The following LZTS1 variants were observed in gnomAD, a reference collection of about 807,000 sequenced individuals.
LZTS1 encodes leucine zipper putative tumor suppressor 1.
In LZTS1, 31 loss-of-function variants were observed where a neutral mutation model predicts 45.8. That is an observed-to-expected ratio of 0.68 (90% CI 0.51 to 0.91). The LOEUF (loss-of-function observed/expected upper bound fraction) is 0.91. Ranked by LOEUF, LZTS1 falls within the 40% of genes least tolerant of loss-of-function variation. LZTS1 has a pLI of 0.00. For missense variants in LZTS1, 821 were observed against 788.9 expected, an observed-to-expected ratio of 1.04 and a Z score of -0.49; for synonymous variants, 359 against 357.3, an observed-to-expected ratio of 1.00 and a Z score of -0.05.
chr8:20,258,550 T>C (rs1800158184), intron 1 of LZTS1, among the ~76,000 whole-genome samples: 1 of 152,216 alleles, frequency 6.6e-6, no homozygotes. Context: ...AAAACTTCGT[T>C]GTGTAAGTTT....
chr8:20,294,060 T>C (rs1346867883), intron 1 of LZTS1, among the ~76,000 whole-genome samples: 1 of 152,094 alleles, frequency 6.6e-6, no homozygotes, highest in African/African-American at 2.4e-5. Context: ...GGAGAGGATA[T>C]GGATAGAGTG....
In LZTS1 at chr8:20,246,930, T is replaced by C. The variant is rs1252967900; in HGVS notation, c.*2792A>G. The C allele has an allele frequency of 6.6e-6, 1 of 152,312 alleles. No individual in the cohort carries two copies. Among genetic ancestry groups the C allele is most frequent in the Non-Finnish European group, 1.5e-5 (1 of 68,118 alleles). The allele number at this position is 152,312 out of a possible 1,614,324, so 9.4% of individuals were successfully genotyped here. ...GGGCCAGGCTCTGTGCTTGGAGGCT[T>C]CTGCTGTCCAGAGCCTCTTTCCAGA... On this transcript the variant is annotated 3_prime_UTR_variant, in exon 4 of 4. Transcript: ENST00000381569.
At chr8:20,290,993 C>T (rs1459663230) in intron 1 of LZTS1, among the ~76,000 whole-genome samples, 1 of 152,200 alleles carries the variant, frequency 6.6e-6, no homozygotes, top group African/African-American at 2.4e-5. Flanking sequence ...GCCTCCCAAC[C>T]TTCTCCCCTC....
chr8:20,253,035 G>T lies in LZTS1; in HGVS notation c.896C>A (p.Pro299Gln), dbSNP rs756736338. 6.2e-7 allele frequency: 1 copy of T among 1,603,224 alleles called. No homozygotes were observed. The part of the protein sequence containing the change: ...LASSLAYEER[P>Q]RRCRDELEGP... ...CTCCAGCTCGTCCCTGCAGCGCCGC[G>T]GCCGCTCCTCGTAGGCCAGGCTGGA... Residue 299 changes from proline (P) to glutamine (Q), a missense_variant, in exon 3 of 4, where the codon CCG becomes CAG. By Grantham distance (76) the Pro-to-Gln change is moderately conservative (BLOSUM62 -1). Coordinates refer to ENST00000381569, the MANE Select transcript of LZTS1 (RefSeq NM_021020.5).
intron 1 of LZTS1, among the ~76,000 whole-genome samples, chr8:20,284,777 C>G (rs535443090): frequency 3.9e-5 from 6 of 152,280 alleles, no homozygotes; most frequent in African/African-American, 1.4e-4. Flanking sequence ...CTGCCTCCAA[C>G]CCATTCTACA....
chr8:20,249,769 C>T lies in LZTS1; in HGVS notation c.1744G>A (p.Glu582Lys). Residue 582 changes from glutamate (E) to lysine (K), a missense_variant, in exon 4 of 4, where the codon GAA (glutamate) becomes AAA (lysine). Glu to Lys is a moderately conservative substitution (Grantham distance 56). Coordinates refer to ENST00000381569, the MANE Select transcript of LZTS1 (RefSeq NM_021020.5). ...TCCTCGTAGGGGATGTCAGCCCCTT[C>T]CAGGTCAACCTCCAAGGGCTCCCCG... ...SAGEPLEVDL[E>K]GADIPYEDII... 1 of 1,613,084 alleles carries T rather than the reference C, an allele frequency of 6.2e-7. No homozygotes were observed. The highest frequency in any genetic ancestry group is 8.5e-7 in the Non-Finnish European group (1 of 1,179,970).
chr8:20,279,764 A>G, intron 1 of LZTS1, among the ~76,000 whole-genome samples: 1 of 151,378 alleles, frequency 6.6e-6, no homozygotes, highest in Non-Finnish European at 1.5e-5. Flanking sequence ...AAGTGAGCAG[A>G]TCGCTTGAGT....
intron 1 of LZTS1, among the ~76,000 whole-genome samples, chr8:20,274,436 C>T (rs1800534027): frequency 6.6e-6 from 1 of 152,130 alleles, no homozygotes; most frequent in Admixed American, 6.5e-5. Context: ...TAGCTTGGAG[C>T]ATAGCGGCAA....
chr8:20,260,014 A>T, intron 1 of LZTS1, among the ~76,000 whole-genome samples: 1 of 152,126 alleles, frequency 6.6e-6, no homozygotes, highest in East Asian at 1.9e-4. Context: ...TGATCTTCCC[A>T]CCTTAGCCCC....
chr8:20,267,214 T>A (rs1800377617), intron 1 of LZTS1, among the ~76,000 whole-genome samples: 1 of 142,070 alleles, frequency 7.0e-6, no homozygotes. Flanking sequence ...TCGGGTCCCC[T>A]GGTTTCTGGC....
chr8:20,254,347 C>G (rs1263883423), intron 2 of LZTS1, among the ~76,000 whole-genome samples: 1 of 152,200 alleles, frequency 6.6e-6, no homozygotes, highest in Non-Finnish European at 1.5e-5. Flanking sequence ...TTCAAAGATG[C>G]CCCCAGGCGC....
chr8:20,291,778 T>C (rs2128898999), intron 1 of LZTS1, among the ~76,000 whole-genome samples: 1 of 152,358 alleles, frequency 6.6e-6, no homozygotes, highest in Admixed American at 6.5e-5. Flanking sequence ...TTGCCTGATG[T>C]CACACAGCTA....
chr8:20,252,738 C>T, intron 3 of LZTS1, 44 bp downstream of exon 3: 1 of 1,474,580 alleles, frequency 6.8e-7, no homozygotes, highest in Non-Finnish European at 9.0e-7. Flanking sequence ...GTACTGGCGC[C>T]AAACCGCTGA....
chr8:20,303,602 G>A (rs1801120078), intron 1 of LZTS1, 138 bp downstream of exon 1: 1 of 751,768 alleles, frequency 1.3e-6, no homozygotes, highest in African/African-American at 1.9e-5. Flanking sequence ...CACCTCGACA[G>A]CCACGGACAC....
At position 20,253,525 on chromosome 8, in the gene LZTS1, C is replaced by T; in HGVS notation, c.406G>A (p.Ala136Thr). Residue 136 changes from alanine (A) to threonine (T), a missense_variant, in exon 3 of 4, where the codon GCC becomes ACC. Physicochemically the swap from Ala to Thr is moderately conservative, Grantham distance 58. Coordinates refer to ENST00000381569, the MANE Select transcript of LZTS1 (RefSeq NM_021020.5). Reference sequence around the variant, plus strand: ...CTCTCCGGGGAGGAGTGCAGGATGGCTCCTGACCGTGGCAGCACAGGCTTG... The same window carrying T: ...CTCTCCGGGGAGGAGTGCAGGATGGTTCCTGACCGTGGCAGCACAGGCTTG... Reference protein sequence around the residue: ...AFKPVLPRSGAILHSSPESAS... With the variant: ...AFKPVLPRSGTILHSSPESAS... The T allele has an allele frequency of 6.5e-7, 1 of 1,541,604 alleles. No individual in the cohort carries two copies. The highest frequency in any genetic ancestry group is 8.7e-7 in the Non-Finnish European group (1 of 1,145,942).
chr8:20,259,737 C>T (rs1800185201), intron 1 of LZTS1, among the ~76,000 whole-genome samples: 1 of 152,098 alleles, frequency 6.6e-6, no homozygotes, highest in South Asian at 2.1e-4. Context: ...CATACATCAG[C>T]CTTTCTCATT....
intron 1 of LZTS1, among the ~76,000 whole-genome samples, chr8:20,280,571 A>G (rs931649512): frequency 3.9e-5 from 6 of 152,174 alleles, no homozygotes; most frequent in African/African-American, 1.4e-4. Context: ...TGAAATAAAA[A>G]AGCAGCACCG....
chr8:20,268,153 TCCCCACCCCCACCCCCAC>T (rs200742663), intron 1 of LZTS1, among the ~76,000 whole-genome samples: 2 of 124,458 alleles, frequency 1.6e-5, no homozygotes, highest in African/African-American at 3.0e-5. Context: ...TTAGAAGGAC[TCCCCACCCCCACCCCCAC>T]CCCCACCCCC....
intron 1 of LZTS1, among the ~76,000 whole-genome samples, chr8:20,265,806 G>A (rs1372568866): frequency 2.0e-5 from 3 of 150,972 alleles, no homozygotes. Context: ...TCCCTGCTCT[G>A]CGCAGAGGGC....
Sources: allele counts gnomAD v4.1 joint callset (sites outside exome capture counted in the v4.1 genomes callset), GRCh38; gene constraint gnomAD v4.1.1; transcripts MANE v1.5; gene names NCBI Gene and HGNC (gene_info 2026-07-23, HGNC 2026-07-21).